CYP24A1: variants seen among roughly 807,000 people sequenced by gnomAD.
CYP24A1 encodes 1,25-dihydroxyvitamin D(3) 24-hydroxylase, mitochondrial.
In CYP24A1, 68 loss-of-function variants were observed where a neutral mutation model predicts 62.4. That is an observed-to-expected ratio of 1.09 (90% CI 0.90 to 1.33). CYP24A1 has a LOEUF of 1.33. Ranked by LOEUF, CYP24A1 falls within the 40% of genes most tolerant of loss-of-function variation. CYP24A1 has a pLI of 0.00. For synonymous variants in CYP24A1, 267 were observed against 253.0 expected (o/e 1.06, Z -0.52); for missense variants, 787 against 653.0 (o/e 1.21, Z -2.24).
rs747684898 is a variant in CYP24A1 at position 54,173,136 on chromosome 20, A to C, written c.259-37T>G. Reference sequence around the variant, plus strand: ...CGGGCACAGCGCGGTGTCAGCGCGCATCCTCCGCCGTGCCCGAAGCGCTTT... The same window carrying C: ...CGGGCACAGCGCGGTGTCAGCGCGCCTCCTCCGCCGTGCCCGAAGCGCTTT... On this transcript the variant is annotated intron_variant, in intron 1 of 11. Transcript: ENST00000216862. The surrounding 1 kb of genome is among the most constrained non-coding windows in gnomAD (Gnocchi z 7.2). The C allele has an allele frequency of 1.9e-6, 3 of 1,594,420 alleles. No individual in the cohort carries two copies. The Admixed American group carries it at 5.0e-5, about 27-fold the overall frequency.
At chr20:54,151,736 G>T (rs2092612752), downstream of CYP24A1, among the ~76,000 whole-genome samples, 1 of 151,912 alleles carries the variant, frequency 6.6e-6, no homozygotes, top group Non-Finnish European at 1.5e-5. Flanking sequence ...CTAATTTTTT[G>T]TATTTTTAGT....
intron 2 of CYP24A1, among the ~76,000 whole-genome samples, chr20:54,172,152 A>G (rs2092696240): frequency 6.6e-6 from 1 of 152,220 alleles, no homozygotes; most frequent in Non-Finnish European, 1.5e-5. Flanking sequence ...ACATACAGTC[A>G]GAGAGTCACT....
At chr20:54,165,627 C>T in intron 5 of CYP24A1, 115 bp downstream of exon 5, 1 of 750,160 alleles carries the variant, frequency 1.3e-6, no homozygotes, top group East Asian at 2.6e-5. Flanking sequence ...GAACACTTAA[C>T]TATTGAAATA....
intron 4 of CYP24A1, among the ~76,000 whole-genome samples, chr20:54,168,964 C>G (rs1205961574): frequency 6.6e-6 from 1 of 151,542 alleles, no homozygotes; most frequent in East Asian, 1.9e-4. Context: ...GTGGTACAAT[C>G]ACGGCTCACT....
chr20:54,167,770 CAAAT>C (rs5841977), intron 4 of CYP24A1, among the ~76,000 whole-genome samples: 54,125 of 151,540 alleles, frequency 0.36, 10,528 homozygotes, highest in African/African-American at 0.52. Context: ...GAGTCTGTCT[CAAAT>C]AAGTAATTAA....
chr20:54,160,376 T>A (rs1244620685), intron 7 of CYP24A1, among the ~76,000 whole-genome samples: 1 of 152,260 alleles, frequency 6.6e-6, no homozygotes, highest in African/African-American at 2.4e-5. Context: ...TAGGCCGTAC[T>A]TTGCTAATTT....
At position 54,158,226 on chromosome 20, in the gene CYP24A1, A is replaced by G. The variant is rs142537915; in HGVS notation, c.1158-62T>C. On this transcript the variant is annotated intron_variant, in intron 8 of 11. Transcript: ENST00000216862. ...AGTCTAAGTTCTCTCTGAAGTGTCAATGGGAATGCAGATTGGATTAAATAA... is the reference window on the plus strand; with the variant it reads ...AGTCTAAGTTCTCTCTGAAGTGTCAGTGGGAATGCAGATTGGATTAAATAA... 5.8e-5 allele frequency: 93 copies of G among 1,605,990 alleles called. No individual in the cohort carries two copies. The African/African-American group carries it at 1.0e-3, about 18-fold the overall frequency.
intron 4 of CYP24A1, among the ~76,000 whole-genome samples, chr20:54,168,666 A>C (rs192414489): frequency 3.4e-4 from 52 of 151,158 alleles, no homozygotes; most frequent in Non-Finnish European, 6.6e-4. Context: ...CTTTCATGTT[A>C]TTTCTTTCTC....
chr20:54,165,942 T>G (rs554739678), intron 4 of CYP24A1, 109 bp from the exon 5 acceptor site: 1 of 790,082 alleles, frequency 1.3e-6, no homozygotes, highest in Non-Finnish European at 2.2e-6. Context: ...AAGTGTGGGA[T>G]TTTCTGAGAA....
intron 5 of CYP24A1, among the ~76,000 whole-genome samples, chr20:54,165,168 C>T (rs557663824): frequency 2.0e-5 from 3 of 152,400 alleles, no homozygotes; most frequent in East Asian, 3.9e-4. Flanking sequence ...AACGGGGCCG[C>T]GCAGCAGGAG....
At chr20:54,166,626 A>G (rs1263192859) in intron 4 of CYP24A1, among the ~76,000 whole-genome samples, 1 of 152,232 alleles carries the variant, frequency 6.6e-6, no homozygotes, top group African/African-American at 2.4e-5. Context: ...CCACAATGTC[A>G]TTAACATCCC....
At chr20:54,159,970 C>T (rs915752344) in intron 7 of CYP24A1, among the ~76,000 whole-genome samples, 1 of 152,022 alleles carries the variant, frequency 6.6e-6, no homozygotes, top group Non-Finnish European at 1.5e-5. Context: ...ATGGAGTAAA[C>T]AGAGAGGGAT....
chr20:54,161,486 A>G (rs2762937), intron 7 of CYP24A1, among the ~76,000 whole-genome samples: 26,944 of 152,054 alleles, frequency 0.18, 2,562 homozygotes, highest in South Asian at 0.32. Flanking sequence ...TCTCTGGTTC[A>G]TGGTGGTCTC....
chr20:54,145,003 C>T, the CYP24A1 span, among the ~76,000 whole-genome samples: 1 of 135,490 alleles, frequency 7.4e-6, no homozygotes, highest in African/African-American at 2.8e-5. Context: ...TTGATATTGA[C>T]CCTTACAGTT....
At position 54,160,040 on chromosome 20, in the gene CYP24A1, C is replaced by A. The variant is rs536551703; in HGVS notation, c.991-917G>T. ...AAGAGAATGTTATAGTGGAAATGGA[C>A]AATAAATGGCATTTCTGAAATTTAA... On this transcript the variant is annotated intron_variant, in intron 7 of 11. Transcript: ENST00000216862. 6.6e-5 allele frequency among the ~76,000 whole-genome samples: 10 copies of A among 152,254 alleles called. No individual in the cohort carries two copies. The East Asian group carries it at 1.9e-3, about 29-fold the overall frequency.
Position 54,157,484 on chromosome 20 carries a change from T to C in CYP24A1, c.1338A>G (p.Lys446=). Residue 446 remains lysine, a synonymous_variant, in exon 10 of 12, where the codon AAA becomes AAG. Coordinates refer to ENST00000216862, the MANE Select transcript of CYP24A1 (RefSeq NM_000782.5). The stretch of plus-strand genomic sequence containing the variant: ...ATGGAAGATGCGCAAAAGGATTAAT[T>C]TTTTCCTTCTCCTGAAGCCAACGTT... The part of the protein sequence containing the change: ...RPERWLQEKE[K]INPFAHLPFG... 6.2e-7 allele frequency: 1 copy of C among 1,602,364 alleles called. No homozygotes were observed. Among genetic ancestry groups the C allele is most frequent in the Non-Finnish European group, 8.6e-7 (1 of 1,169,256 alleles).
At chr20:54,143,855 G>A in the CYP24A1 span, among the ~76,000 whole-genome samples, 1 of 151,798 alleles carries the variant, frequency 6.6e-6, no homozygotes, top group African/African-American at 2.4e-5. Context: ...TAAGAATAAA[G>A]CAAAAACTTC....
At chr20:54,145,957 T>C in the CYP24A1 span, among the ~76,000 whole-genome samples, 1 of 152,202 alleles carries the variant, frequency 6.6e-6, no homozygotes, top group African/African-American at 2.4e-5. Flanking sequence ...GCACCAGAAC[T>C]TTAGAAATAA....
In CYP24A1 at chr20:54,171,403, AG is replaced by A. The variant is rs143798402; in HGVS notation, c.543+173del. Among the ~76,000 whole-genome samples the A allele has an allele frequency of 1.8e-3, 276 of 152,304 alleles. 1 individual carries two copies. Among genetic ancestry groups the A allele is most frequent in the African/African-American group, 6.5e-3 (271 of 41,566 alleles). On this transcript the variant is annotated intron_variant, in intron 3 of 11. Coordinates refer to ENST00000216862, the MANE Select transcript of CYP24A1 (RefSeq NM_000782.5). ...AAAGAGGGTGGAGGAGGGAGAAATA[AG>A]GGTTTGGTGGGGAGGAGGCTGTAGG...
Sources: gnomAD v4.1 joint callset for allele counts (sites outside exome capture counted in the v4.1 genomes callset) on GRCh38, gnomAD v4.1.1 for gene constraint, Gnocchi (gnomAD v3.1) non-coding constraint, MANE v1.5 for transcripts, NCBI Gene and HGNC (gene_info 2026-07-23, HGNC 2026-07-21) for gene names.